The following MED12L variants were observed in gnomAD, a reference collection of about 807,000 sequenced individuals.
The protein encoded by MED12L is mediator of RNA polymerase II transcription subunit 12-like protein.
A neutral mutation model predicts 281.3 loss-of-function variants in MED12L; 60 were observed. The ratio of observed to expected loss-of-function variants is 0.21; its 90% CI spans 0.17 to 0.26. The LOEUF (loss-of-function observed/expected upper bound fraction) is 0.26. Among genes scored for constraint, MED12L ranks in the 10% least tolerant of loss-of-function variants. The probability of loss-of-function intolerance (pLI) is 1.00; values close to 1 mark genes in which losing one functional copy is unlikely to be tolerated. For synonymous variants in MED12L, 974 were observed against 987.2 expected, an observed-to-expected ratio of 0.99 and a Z score of 0.25; for missense variants, 2,146 against 2,680.9, an observed-to-expected ratio of 0.80 and a Z score of 4.41.
In MED12L at chr3:151,360,507, C is replaced by T. The variant is rs756617670; in HGVS notation, c.2859C>T (p.Pro953=). ...GTGTGGTCAAGCATGTCGTAAACCCCTCAGAATGTTCTTCCCCTGAAAGAT... is the reference window on the plus strand; with the variant it reads ...GTGTGGTCAAGCATGTCGTAAACCCTTCAGAATGTTCTTCCCCTGAAAGAT... The part of the protein sequence containing the change: ...LCGVVKHVVN[P]SECSSPERCI... The change falls in exon 21 of 45, where the codon CCC becomes CCT. Residue 953 remains proline, a synonymous_variant. Transcript: ENST00000687756. 1.2e-6 allele frequency: 2 copies of T among 1,612,896 alleles called. No individual in the cohort carries two copies. The highest frequency in any genetic ancestry group is 1.7e-6 in the Non-Finnish European group (2 of 1,179,140).
intron 5 of MED12L, among the ~76,000 whole-genome samples, chr3:151,151,030 G>GATTTTTTTTTTTTTTTTTT (rs1342933481): frequency 8.5e-5 from 1 of 11,808 alleles, no homozygotes; most frequent in African/African-American, 2.8e-4. Context: ...TGCTGAAGTA[G>GATTTTTTTTTTTTTTTTTT]CTTTTTTTTT....
At chr3:151,323,188 C>T (rs1376283813) in intron 16 of MED12L, among the ~76,000 whole-genome samples, 1 of 152,172 alleles carries the variant, frequency 6.6e-6, no homozygotes, top group South Asian at 2.1e-4. Context: ...AACTTAAAAC[C>T]TCTCTCCCTG....
chr3:151,303,089 A>G (rs1352332136), intron 16 of MED12L, among the ~76,000 whole-genome samples: 2 of 152,190 alleles, frequency 1.3e-5, no homozygotes, highest in East Asian at 3.8e-4. Context: ...TAGTCTACTG[A>G]GGAACTGGTG....
At chr3:151,138,042 A>T (rs1576805998) in intron 5 of MED12L, among the ~76,000 whole-genome samples, 1 of 152,284 alleles carries the variant, frequency 6.6e-6, no homozygotes, top group South Asian at 2.1e-4. Flanking sequence ...CCATCTTCAG[A>T]TGTAACCATT....
At chr3:151,153,968 G>C (rs1442268672) in intron 5 of MED12L, among the ~76,000 whole-genome samples, 1 of 152,168 alleles carries the variant, frequency 6.6e-6, no homozygotes, top group African/African-American at 2.4e-5. Context: ...TTTGTTAAAA[G>C]TTCCCGTCAC....
At chr3:151,423,081 A>G (rs1415812859) in intron 43 of MED12L, among the ~76,000 whole-genome samples, 1 of 150,258 alleles carries the variant, frequency 6.7e-6, no homozygotes. Context: ...GTCCAATGGT[A>G]TGATCTCAGC....
intron 43 of MED12L, among the ~76,000 whole-genome samples, chr3:151,423,543 C>A (rs1577619419): frequency 6.6e-6 from 1 of 152,240 alleles, no homozygotes; most frequent in African/African-American, 2.4e-5. Context: ...TGCTTGTATT[C>A]TGTGAAGGAA....
intron 43 of MED12L, among the ~76,000 whole-genome samples, chr3:151,424,189 A>T (rs985019157): frequency 6.6e-6 from 1 of 152,194 alleles, no homozygotes; most frequent in Non-Finnish European, 1.5e-5. Flanking sequence ...GAATTTGGAA[A>T]TTTTTTTTTT....
chr3:151,299,398 T>TTCCTC (rs1745580737), intron 16 of MED12L, among the ~76,000 whole-genome samples: 1 of 137,280 alleles, frequency 7.3e-6, no homozygotes, highest in Non-Finnish European at 1.6e-5. Context: ...TTCTTTTCTT[T>TTCCTC]TCCCCTCCCC....
At chr3:151,200,913 G>A (rs1226077119) in intron 16 of MED12L, 2 of 152,134 alleles carry the variant, frequency 1.3e-5, no homozygotes, top group East Asian at 3.9e-4. Flanking sequence ...ACTTACCCAA[G>A]GTTGTGTAGC....
Position 151,435,548 on chromosome 3 carries a change from G to GTAAT in MED12L, c.*2746_*2749dup, listed in dbSNP as rs1284731298. The GTAAT allele has an allele frequency of 1.3e-5, 2 of 152,198 alleles. No individual in the cohort carries two copies. The highest frequency in any genetic ancestry group is 1.9e-4 in the East Asian group (1 of 5,166). 9.4% of individuals were successfully genotyped at this position (152,198 alleles called of 1,614,324 possible). On this transcript the variant is annotated 3_prime_UTR_variant, in exon 45 of 45. Transcript: ENST00000687756. Reference sequence around the variant, plus strand: ...ATGATTGGCAGGGGCTAACTTATTAGTAATTCTCGGTTTTGTGCACTGAGA... The same window carrying GTAAT: ...ATGATTGGCAGGGGCTAACTTATTAGTAATTAATTCTCGGTTTTGTGCACTGAGA...
rs902166121 is a variant in MED12L at position 151,258,940 on chromosome 3, T to G, written c.2250+65274T>G. 2.5e-4 allele frequency among the ~76,000 whole-genome samples: 38 copies of G among 152,246 alleles called. 1 individual carries two copies. The highest frequency in any genetic ancestry group is 7.9e-4 in the African/African-American group (33 of 41,550). ...AGCTGTGGATTCAGGTTGTGTGTGCTGTTAGCCTCTGCAGGCTTCGCCTTT... is the reference window on the plus strand; with the variant it reads ...AGCTGTGGATTCAGGTTGTGTGTGCGGTTAGCCTCTGCAGGCTTCGCCTTT... On this transcript the variant is annotated intron_variant, in intron 16 of 44. Transcript: ENST00000687756.
rs560910104 is a variant in MED12L, at chr3:151,136,305, G to T, written c.556+8321G>T. On this transcript the variant is annotated intron_variant, in intron 5 of 44. Coordinates refer to ENST00000687756, the MANE Select transcript of MED12L (RefSeq NM_001393769.1). ...ACCAGCTTACTTGCAGTTTGGGTCTGTGAAGACATTGCATACTAACTTTTT... is the reference window on the plus strand; with the variant it reads ...ACCAGCTTACTTGCAGTTTGGGTCTTTGAAGACATTGCATACTAACTTTTT... Among the ~76,000 whole-genome samples, 7 of 152,324 alleles carry T rather than the reference G, an allele frequency of 4.6e-5. No homozygotes were observed. The East Asian group carries it at 1.3e-3, about 29-fold the overall frequency.
At chr3:151,206,130 A>AT (rs1262383699) in intron 16 of MED12L, among the ~76,000 whole-genome samples, 4 of 140,942 alleles carry the variant, frequency 2.8e-5, no homozygotes, top group Admixed American at 1.4e-4. Flanking sequence ...TAGCCCAAAG[A>AT]TTTTTTTCTG....
chr3:151,130,598 G>A (rs1715236648), intron 5 of MED12L, among the ~76,000 whole-genome samples: 1 of 152,170 alleles, frequency 6.6e-6, no homozygotes, highest in Non-Finnish European at 1.5e-5. Context: ...CACTCAGATT[G>A]TGTAACTCAG....
chr3:151,409,696 T>C (rs1716738087), intron 40 of MED12L, among the ~76,000 whole-genome samples: 1 of 152,210 alleles, frequency 6.6e-6, no homozygotes, highest in Non-Finnish European at 1.5e-5. Flanking sequence ...CAGTGGCTCA[T>C]GCCTGTAATC....
At chr3:151,158,127 T>C (rs1719526498) in intron 6 of MED12L, among the ~76,000 whole-genome samples, 1 of 152,212 alleles carries the variant, frequency 6.6e-6, no homozygotes, top group Admixed American at 6.5e-5. Flanking sequence ...TTTTTTATTG[T>C]AGTTGTGTTG....
chr3:151,352,318 C>T (rs1035035244), intron 17 of MED12L, among the ~76,000 whole-genome samples: 4 of 152,146 alleles, frequency 2.6e-5, no homozygotes, highest in Non-Finnish European at 5.9e-5. Context: ...TAGGGATCCT[C>T]AACCTTTTTC....
In MED12L at chr3:151,133,762, A is replaced by T. The variant is rs184278726; in HGVS notation, c.556+5778A>T. On this transcript the variant is annotated intron_variant, in intron 5 of 44. Transcript: ENST00000687756. ...CATTTTTAAGAGAACAAGATTGTTC[A>T]GCTGCCTTAAATATTTTGAGCTCAC... is the stretch of plus-strand genomic sequence containing the variant. Among the ~76,000 whole-genome samples, 40 of 152,362 alleles carry T rather than the reference A, an allele frequency of 2.6e-4. 1 individual carries two copies. In the East Asian group the frequency reaches 6.0e-3, roughly 23 times the overall value.
Sources: allele counts gnomAD v4.1 joint callset (sites outside exome capture counted in the v4.1 genomes callset), GRCh38; gene constraint gnomAD v4.1.1; transcripts MANE v1.5; gene names NCBI Gene and HGNC (gene_info 2026-07-23, HGNC 2026-07-21).